The following SBNO1 variants were observed in gnomAD, a reference collection of about 807,000 sequenced individuals.
SBNO1 encodes the protein strawberry notch homolog 1, also known as protein strawberry notch homolog 1.
Under a neutral mutation model 173.6 loss-of-function variants are expected in SBNO1, and 23 were observed. The ratio of observed to expected loss-of-function variants is 0.13; its 90% CI spans 0.10 to 0.19. The LOEUF (loss-of-function observed/expected upper bound fraction) is 0.19, where lower values mean the gene tolerates loss of function less well. Among genes scored for constraint, SBNO1 ranks in the 10% least tolerant of loss-of-function variants. The pLI is 1.00. For synonymous variants in SBNO1, 632 were observed against 571.5 expected, an observed-to-expected ratio of 1.11 and a Z score of -1.51; for missense variants, 1,238 against 1,671.2, an observed-to-expected ratio of 0.74 and a Z score of 4.52.
rs577808490 is a variant in SBNO1 at position 123,324,546 on chromosome 12, TC to T, written c.1974-716del. 5.9e-5 allele frequency among the ~76,000 whole-genome samples: 9 copies of T among 152,176 alleles called. 1 individual carries two copies. In the South Asian group the frequency reaches 1.9e-3, roughly 32 times the overall value. On this transcript the variant is annotated intron_variant, in intron 15 of 31. Transcript: ENST00000602398. ...CGTGTTGGCCAGGCTGGTCTCAAAC[TC>T]CTGAGCTCTCGTGATCCACCAGACT...
Position 123,328,742 on chromosome 12 carries a change from C to A in SBNO1, c.1288G>T (p.Asp430Tyr). 6.4e-7 allele frequency: 1 copy of A among 1,552,622 alleles called. No homozygotes were observed. Among genetic ancestry groups the A allele is most frequent in the Non-Finnish European group, 8.7e-7 (1 of 1,144,732 alleles). ...QLLHWCGDDF[D>Y]GVIVFDECHK... Reference sequence around the variant, plus strand: ...TTTGCCATAAAGGATACCACTCCATCGAAGTCATCACCGCACCAATGCAGA... The same window carrying A: ...TTTGCCATAAAGGATACCACTCCATAGAAGTCATCACCGCACCAATGCAGA... The change falls in exon 10 of 32, where the codon GAT becomes TAT. Residue 430 changes from aspartate (D) to tyrosine (Y), a missense_variant. Physicochemically the swap from Asp to Tyr is radical, Grantham distance 160. Transcript: ENST00000602398.
intron 24 of SBNO1, 32 bp downstream of exon 24, chr12:123,313,588 T>C (rs554482652): frequency 1.3e-5 from 15 of 1,119,666 alleles, no homozygotes; most frequent in Non-Finnish European, 1.7e-5. Context: ...TCAATAATCA[T>C]TGTCATTGTT....
intron 21 of SBNO1, among the ~76,000 whole-genome samples, chr12:123,316,453 A>G (rs573219620): frequency 6.6e-4 from 100 of 152,128 alleles, no homozygotes; most frequent in Admixed American, 2.4e-3. Context: ...TGAACTCCCG[A>G]CCTCAGGTGA....
At chr12:123,341,575 G>A (rs754363909) in intron 4 of SBNO1, among the ~76,000 whole-genome samples, 28 of 152,086 alleles carry the variant, frequency 1.8e-4, no homozygotes, top group Non-Finnish European at 3.1e-4. Flanking sequence ...AGGATGGAGT[G>A]CGTTGGCGCA....
At chr12:123,341,123 A>G (rs1402652539) in intron 4 of SBNO1, 35 bp from the exon 5 acceptor site, 1 of 1,236,870 alleles carries the variant, frequency 8.1e-7, no homozygotes, top group African/African-American at 1.5e-5. Flanking sequence ...ATTTAGAAGA[A>G]AATTCTGAAC....
intron 30 of SBNO1, among the ~76,000 whole-genome samples, chr12:123,301,106 C>G (rs1473132801): frequency 2.6e-5 from 4 of 152,052 alleles, no homozygotes; most frequent in Admixed American, 1.3e-4. Flanking sequence ...CTCACAGGCT[C>G]AAGCGATTCT....
intron 7 of SBNO1, among the ~76,000 whole-genome samples, chr12:123,332,105 T>A (rs1201519778): frequency 2.0e-5 from 3 of 152,208 alleles, no homozygotes; most frequent in African/African-American, 7.2e-5. Context: ...CGCCTTGGCC[T>A]CCCAAAGTGC....
At chr12:123,325,671 C>G in intron 14 of SBNO1, 72 bp from the exon 15 acceptor site, 1 of 983,146 alleles carries the variant, frequency 1.0e-6, no homozygotes, top group Non-Finnish European at 1.6e-6. Flanking sequence ...ATATTTTAAA[C>G]ATTTAGCTAA....
intron 5 of SBNO1, among the ~76,000 whole-genome samples, chr12:123,338,922 C>CGA (rs1872207530): frequency 1.6e-5 from 2 of 125,918 alleles, no homozygotes; most frequent in African/African-American, 6.8e-5. Flanking sequence ...GCCCCCCCCC[C>CGA]CCTCCCCGAC....
At chr12:123,318,700 T>C (rs1300595270) in intron 20 of SBNO1, among the ~76,000 whole-genome samples, 2 of 145,820 alleles carry the variant, frequency 1.4e-5, no homozygotes, top group Non-Finnish European at 3.0e-5. Flanking sequence ...GCCACTGCAC[T>C]GCACTCCAGC....
chr12:123,326,587 T>C (rs1305423726), intron 13 of SBNO1, among the ~76,000 whole-genome samples: 3 of 152,196 alleles, frequency 2.0e-5, no homozygotes, highest in Non-Finnish European at 2.9e-5. Context: ...CTATAACTTA[T>C]GAATTACCTT....
At chr12:123,327,102 T>C (rs1235643205) in intron 13 of SBNO1, among the ~76,000 whole-genome samples, 1 of 152,028 alleles carries the variant, frequency 6.6e-6, no homozygotes, top group Non-Finnish European at 1.5e-5. Flanking sequence ...GCCTCCTGGG[T>C]TCAAGCGATT....
chr12:123,302,679 A>C, intron 30 of SBNO1, 145 bp downstream of exon 30: 2 of 673,966 alleles, frequency 3.0e-6, no homozygotes, highest in South Asian at 3.4e-5. Flanking sequence ...ACAACTGTCC[A>C]GTAAATATTC....
chr12:123,331,090 G>A (rs374896837), intron 8 of SBNO1, 152 bp downstream of exon 8: 13 of 641,872 alleles, frequency 2.0e-5, no homozygotes, highest in Admixed American at 1.2e-4. Context: ...AGCCTCCTGA[G>A]TAGCTGGGAC....
At chr12:123,314,333 AATT>A (rs2138940433) in intron 23 of SBNO1, among the ~76,000 whole-genome samples, 1 of 96,410 alleles carries the variant, frequency 1.0e-5, no homozygotes, top group Admixed American at 1.2e-4. Context: ...TGCCCAACTA[AATT>A]TTTTTTTTCT....
Position 123,364,184 on chromosome 12 carries a change from G to A in SBNO1, c.-1+517C>T, listed in dbSNP as rs1349389587. 4 of 985,456 alleles carry A rather than the reference G, an allele frequency of 4.1e-6. No individual in the cohort carries two copies. In the East Asian group the frequency reaches 3.4e-4, roughly 84 times the overall value. 61.0% of individuals were successfully genotyped at this position (985,456 alleles called of 1,614,324 possible). ...AGCGGGGCATGTACGAGACCGCGCT[G>A]TGGGGTTCAGATTTAGGAAGGACGA... On this transcript the variant is annotated intron_variant, in intron 1 of 31. Transcript: ENST00000602398.
chr12:123,309,258 G>T, intron 28 of SBNO1, 52 bp downstream of exon 28: 1 of 1,282,894 alleles, frequency 7.8e-7, no homozygotes, highest in Non-Finnish European at 1.1e-6. Flanking sequence ...TTACAATGCT[G>T]GCCATTAAAA....
Position 123,345,578 on chromosome 12 carries a change from G to C in SBNO1, c.238-8C>G. 6.2e-7 allele frequency: 1 copy of C among 1,602,096 alleles called. No individual in the cohort carries two copies. Among genetic ancestry groups the C allele is most frequent in the Non-Finnish European group, 8.5e-7 (1 of 1,174,046 alleles). The stretch of plus-strand genomic sequence containing the variant: ...AGTAGATGGAGGCTGCTGCTAGATA[G>C]AAAACAAAAAACACACCACTGAAAA... On this transcript the variant is annotated splice_polypyrimidine_tract_variant and splice_region_variant and intron_variant, in intron 3 of 31. Transcript: ENST00000602398.
intron 1 of SBNO1, among the ~76,000 whole-genome samples, chr12:123,358,811 T>C (rs1362536600): frequency 3.4e-5 from 5 of 147,040 alleles, no homozygotes; most frequent in African/African-American, 1.3e-4. Flanking sequence ...TGGAATAGAA[T>C]TACAAATTCA....
Sources: allele counts gnomAD v4.1 joint callset (sites outside exome capture counted in the v4.1 genomes callset), GRCh38; gene constraint gnomAD v4.1.1; transcripts MANE v1.5; gene names NCBI Gene and HGNC (gene_info 2026-07-23, HGNC 2026-07-21).